CSMD1: variants seen among roughly 807,000 people sequenced by gnomAD.
The protein encoded by CSMD1 is CUB and Sushi multiple domains 1.
A neutral mutation model predicts 417.5 loss-of-function variants in CSMD1; 213 were observed. The observed-to-expected ratio is 0.51, with a 90% CI of 0.46 to 0.57. The LOEUF is 0.57. CSMD1 is among the 20% of genes least tolerant of loss of function. CSMD1 has a pLI of 0.00. For synonymous variants in CSMD1, 2,862 were observed against 1,736.8 expected, an observed-to-expected ratio of 1.65 and a Z score of -16.11; for missense variants, 6,923 against 4,529.7, an observed-to-expected ratio of 1.53 and a Z score of -15.17.
chr8:3,944,231 C>G (rs937844060), intron 5 of CSMD1, among the ~76,000 whole-genome samples: 10 of 152,072 alleles, frequency 6.6e-5, no homozygotes, highest in African/African-American at 1.2e-4. Context: ...GTCTCTCAGG[C>G]TGGTGTTTTT....
At chr8:4,976,865 A>T (rs1163900841) in intron 1 of CSMD1, among the ~76,000 whole-genome samples, 1 of 152,162 alleles carries the variant, frequency 6.6e-6, no homozygotes, top group Non-Finnish European at 1.5e-5. Context: ...GTGCTTAAAG[A>T]AATATAGAGG....
intron 8 of CSMD1, among the ~76,000 whole-genome samples, chr8:3,602,290 A>G (rs1240211626): frequency 1.3e-5 from 2 of 152,060 alleles, no homozygotes; most frequent in African/African-American, 2.4e-5. Context: ...GGAAAACCAG[A>G]TCACTTTCTC....
At position 3,252,252 on chromosome 8, in the gene CSMD1, T is replaced by C. The variant is rs551998801; in HGVS notation, c.4154-22021A>G. On this transcript the variant is annotated intron_variant, in intron 26 of 69. Coordinates refer to ENST00000635120, the MANE Select transcript of CSMD1 (RefSeq NM_033225.6). ...ATACGTCCCATCAATACCTGATTTATTGAGAGTTTTTAGAATGAAGGGCTG... is the reference window on the plus strand; with the variant it reads ...ATACGTCCCATCAATACCTGATTTACTGAGAGTTTTTAGAATGAAGGGCTG... Among the ~76,000 whole-genome samples the C allele has an allele frequency of 5.3e-5, 8 of 152,314 alleles. No individual in the cohort carries two copies. In the East Asian group the frequency reaches 1.4e-3, roughly 26 times the overall value.
chr8:4,112,261 A>C (rs533650198), intron 3 of CSMD1, among the ~76,000 whole-genome samples: 1 of 152,112 alleles, frequency 6.6e-6, no homozygotes, highest in Non-Finnish European at 1.5e-5. Flanking sequence ...GAAGGCATCA[A>C]TGAATGTCTC....
At chr8:3,275,808 G>C (rs556233366) in intron 26 of CSMD1, among the ~76,000 whole-genome samples, 1 of 152,140 alleles carries the variant, frequency 6.6e-6, no homozygotes, top group African/African-American at 2.4e-5. Context: ...CTCTGTATTG[G>C]TTATTCTAGT....
At chr8:4,168,115 C>T (rs1011828690) in intron 3 of CSMD1, among the ~76,000 whole-genome samples, 3 of 150,370 alleles carry the variant, frequency 2.0e-5, no homozygotes, top group African/African-American at 7.4e-5. Context: ...GGAAAGAGAG[C>T]AAGGCTCTGT....
At chr8:4,596,726 A>G (rs1338119260) in intron 2 of CSMD1, among the ~76,000 whole-genome samples, 3 of 152,208 alleles carry the variant, frequency 2.0e-5, no homozygotes, top group South Asian at 2.1e-4. Context: ...GAAAGGAACA[A>G]TAAGGAACAA....
At chr8:3,347,457 A>T (rs1029202585) in intron 22 of CSMD1, among the ~76,000 whole-genome samples, 1 of 152,188 alleles carries the variant, frequency 6.6e-6, no homozygotes, top group Non-Finnish European at 1.5e-5. Context: ...TCTCCTCATC[A>T]GCCCTGTCTG....
At chr8:4,355,523 A>G (rs1801377664) in intron 3 of CSMD1, among the ~76,000 whole-genome samples, 2 of 152,310 alleles carry the variant, frequency 1.3e-5, no homozygotes, top group East Asian at 1.9e-4. Flanking sequence ...AGTTTAGTAA[A>G]GGAAGTTCTC....
chr8:2,994,841 A>G (rs895670469), intron 54 of CSMD1, among the ~76,000 whole-genome samples: 10 of 152,222 alleles, frequency 6.6e-5, no homozygotes, highest in Non-Finnish European at 1.0e-4. Flanking sequence ...ATTAAAACCA[A>G]TATCTCTTGA....
At chr8:3,948,495 T>C (rs1053800311) in intron 5 of CSMD1, among the ~76,000 whole-genome samples, 3 of 152,106 alleles carry the variant, frequency 2.0e-5, no homozygotes, top group Non-Finnish European at 4.4e-5. Flanking sequence ...GAAGTTGTTT[T>C]GAATAGTTTG....
At chr8:4,800,241 C>G (rs1585119827) in intron 1 of CSMD1, among the ~76,000 whole-genome samples, 1 of 151,902 alleles carries the variant, frequency 6.6e-6, no homozygotes, top group African/African-American at 2.4e-5. Context: ...GAGTTGGAGA[C>G]GAGACTAGCA....
At chr8:4,107,379 C>T (rs1471926564) in intron 3 of CSMD1, among the ~76,000 whole-genome samples, 1 of 152,182 alleles carries the variant, frequency 6.6e-6, no homozygotes, top group Non-Finnish European at 1.5e-5. Flanking sequence ...ATAAAGTCCT[C>T]TCTATACAAA....
At chr8:4,348,755 G>A (rs1338388028) in intron 3 of CSMD1, among the ~76,000 whole-genome samples, 1 of 152,120 alleles carries the variant, frequency 6.6e-6, no homozygotes, top group Non-Finnish European at 1.5e-5. Flanking sequence ...AGTTAAAATT[G>A]TAGAAAATAA....
At chr8:3,049,151 G>A (rs1042039915) in intron 50 of CSMD1, among the ~76,000 whole-genome samples, 1 of 152,126 alleles carries the variant, frequency 6.6e-6, no homozygotes, top group Non-Finnish European at 1.5e-5. Flanking sequence ...AAATCCTGCA[G>A]TCTTCTTTGA....
At chr8:4,560,745 T>C (rs919773184) in intron 2 of CSMD1, among the ~76,000 whole-genome samples, 1 of 152,194 alleles carries the variant, frequency 6.6e-6, no homozygotes, top group African/African-American at 2.4e-5. Flanking sequence ...TTCCCATCTT[T>C]CCTTCCTCCT....
chr8:3,909,206 A>G (rs1808297345), intron 5 of CSMD1, among the ~76,000 whole-genome samples: 1 of 152,164 alleles, frequency 6.6e-6, no homozygotes, highest in African/African-American at 2.4e-5. Context: ...TGACAGGCTG[A>G]GACAGTTATC....
intron 8 of CSMD1, among the ~76,000 whole-genome samples, chr8:3,598,149 G>A (rs1366820405): frequency 6.6e-6 from 1 of 152,096 alleles, no homozygotes; most frequent in African/African-American, 2.4e-5. Context: ...ACAAAACTAA[G>A]TAGGACCAAG....
At chr8:3,909,688 T>G (rs2688325) in intron 5 of CSMD1, among the ~76,000 whole-genome samples, 1 of 151,946 alleles carries the variant, frequency 6.6e-6, no homozygotes, top group African/African-American at 2.4e-5. Context: ...ACATCATCAT[T>G]CCTCCTTCGA....
Sources: allele counts gnomAD v4.1 joint callset (sites outside exome capture counted in the v4.1 genomes callset), GRCh38; gene constraint gnomAD v4.1.1; transcripts MANE v1.5; gene names NCBI Gene and HGNC (gene_info 2026-07-23, HGNC 2026-07-21).